The following NPIPA1 variants were observed in gnomAD, a reference collection of about 807,000 sequenced individuals.
NPIPA1 encodes the protein nuclear pore complex-interacting protein family member A1.
For missense variants in NPIPA1, 22 were observed against 232.2 expected (o/e 0.09, Z 5.88); for synonymous variants, 7 against 88.0 (o/e 0.08, Z 5.15).
chr16:14,941,505 T>C (rs1248229134), intron 1 of NPIPA1: 7 of 184,684 alleles, frequency 3.8e-5, no homozygotes, highest in Admixed American at 1.2e-4. Flanking sequence ...GTGTATGTTA[T>C]GTGTGGCTCA....
chr16:14,945,227 G>GTTTTGTGTGT (rs748459839), intron 2 of NPIPA1, among the ~76,000 whole-genome samples: 7 of 137,742 alleles, frequency 5.1e-5, no homozygotes, highest in Admixed American at 7.3e-5. Context: ...ATTCTTGTGT[G>GTTTTGTGTGT]GTGTGTGTGT....
At chr16:14,949,395 C>T in intron 5 of NPIPA1, 1 of 313,070 alleles carries the variant, frequency 3.2e-6, no homozygotes, top group South Asian at 2.3e-5. Flanking sequence ...ATAAGCCCAG[C>T]TGTTTCTGCC....
At chr16:14,943,769 C>G (rs1179254694) in intron 2 of NPIPA1, among the ~76,000 whole-genome samples, 1 of 152,104 alleles carries the variant, frequency 6.6e-6, no homozygotes, top group Non-Finnish European at 1.5e-5. Flanking sequence ...TTACCCATTG[C>G]TTCTCTTGAA....
intron 1 of NPIPA1, among the ~76,000 whole-genome samples, chr16:14,939,897 AT>A (rs1368339707): frequency 3.4e-5 from 1 of 29,080 alleles, no homozygotes. Context: ...CACCTTGGTA[AT>A]TTTTTTTTTT....
intron 1 of NPIPA1, among the ~76,000 whole-genome samples, chr16:14,937,833 C>G (rs1343992376): frequency 1.4e-5 from 2 of 141,564 alleles, no homozygotes; most frequent in Non-Finnish European, 1.5e-5. Context: ...GGGCCCAGAC[C>G]GAAGAAGGTT....
In NPIPA1 at chr16:14,941,092, C is replaced by G. The variant is rs1965740126; in HGVS notation, c.64-720C>G. 5.3e-5 allele frequency among the ~76,000 whole-genome samples: 8 copies of G among 151,294 alleles called. 1 individual carries two copies. In the Admixed American group the frequency reaches 5.3e-4, roughly 10 times the overall value. ...GCAGTGAGCCGAGAGCACACCACTG[C>G]ACTCCAGCCTGGGTGACAGAGTGAG... is the stretch of plus-strand genomic sequence containing the variant. On this transcript the variant is annotated intron_variant, in intron 1 of 7. Transcript: ENST00000328085.
intron 1 of NPIPA1, among the ~76,000 whole-genome samples, chr16:14,938,535 A>ATCTTTTTTGG: frequency 7.0e-6 from 1 of 141,864 alleles, no homozygotes. Flanking sequence ...CCATCTCTAC[A>ATCTTTTTTGG]AAAAATTCCA....
intron 1 of NPIPA1, among the ~76,000 whole-genome samples, chr16:14,941,272 TAAAAATAC>T (rs1965746619): frequency 7.4e-6 from 1 of 135,946 alleles, no homozygotes; most frequent in South Asian, 2.5e-4. Context: ...TCATCTCTAC[TAAAAATAC>T]AAAAATTAGT....
intron 2 of NPIPA1, among the ~76,000 whole-genome samples, chr16:14,945,227 G>GGTGTGTGT (rs1555533565): frequency 3.0e-4 from 41 of 137,796 alleles, no homozygotes; most frequent in East Asian, 1.7e-3. Context: ...ATTCTTGTGT[G>GGTGTGTGT]GTGTGTGTGT....
intron 5 of NPIPA1, chr16:14,949,605 T>G (rs1365774438): frequency 1.5e-6 from 1 of 684,018 alleles, no homozygotes; most frequent in Non-Finnish European, 2.3e-6. Flanking sequence ...TGTTTTTGTT[T>G]TTGTTTTTCT....
At position 14,946,781 on chromosome 16, in the gene NPIPA1, G is replaced by A. The variant is rs1266454712; in HGVS notation, c.437+800G>A. ...ATGATCTTGGCTCACTGCAACCTCC[G>A]CCTCCCAGGTTCAAACGATTCTTAT... is the stretch of plus-strand genomic sequence containing the variant. On this transcript the variant is annotated intron_variant, in intron 4 of 7. Coordinates refer to ENST00000328085, the MANE Select transcript of NPIPA1 (RefSeq NM_006985.4). 3.4e-5 allele frequency among the ~76,000 whole-genome samples: 5 copies of A among 145,754 alleles called. No homozygotes were observed. The East Asian group carries it at 1.1e-3, about 33-fold the overall frequency.
intron 2 of NPIPA1, among the ~76,000 whole-genome samples, chr16:14,944,956 T>A (rs1174724345): frequency 2.9e-3 from 429 of 148,420 alleles, no homozygotes; most frequent in African/African-American, 0.01. Flanking sequence ...TTGTTGCCCA[T>A]GTTGGAGTGC....
At chr16:14,938,606 G>A (rs1965681056) in intron 1 of NPIPA1, among the ~76,000 whole-genome samples, 1 of 126,506 alleles carries the variant, frequency 7.9e-6, no homozygotes, top group Non-Finnish European at 1.6e-5. Context: ...AGAGGCTGAG[G>A]TGGGAGGATC....
rs551699140 is a variant in NPIPA1 at position 14,951,790 on chromosome 16, C to T, written c.818C>T (p.Pro273Leu). 1 of 1,554,220 alleles carries T rather than the reference C, an allele frequency of 6.4e-7. No individual in the cohort carries two copies. Among genetic ancestry groups the T allele is most frequent in the African/African-American group, 1.4e-5 (1 of 71,818 alleles). ...ACACCTTCCGAGTGTCTGCTCACTC[C>T]CCTTCCACCCTCAGCTCTACCCTCA... is the stretch of plus-strand genomic sequence containing the variant. ...LKTPSECLLTPLPPSALPSAD... is the reference protein window; with the variant it reads ...LKTPSECLLTLLPPSALPSAD... The change falls in exon 8 of 8, where the codon CCC (proline) becomes CTC (leucine). Residue 273 changes from proline (P) to leucine (L), a missense_variant. Coordinates refer to ENST00000328085, the MANE Select transcript of NPIPA1 (RefSeq NM_006985.4).
chr16:14,943,046 A>G (rs1329947147), intron 2 of NPIPA1, among the ~76,000 whole-genome samples: 4 of 152,272 alleles, frequency 2.6e-5, no homozygotes, highest in African/African-American at 9.6e-5. Context: ...TATGTGGAAA[A>G]CAGAAAATAT....
intron 1 of NPIPA1, among the ~76,000 whole-genome samples, chr16:14,941,102 T>A (rs1965740595): frequency 1.3e-5 from 2 of 151,464 alleles, no homozygotes; most frequent in South Asian, 4.2e-4. Context: ...CACTCCAGCC[T>A]GGGTGACAGA....
At chr16:14,942,775 C>T (rs1387931003) in intron 2 of NPIPA1, among the ~76,000 whole-genome samples, 5 of 152,246 alleles carry the variant, frequency 3.3e-5, no homozygotes, top group Non-Finnish European at 4.4e-5. Context: ...AAAGTCTGTA[C>T]TTGGTAAGAA....
intron 2 of NPIPA1, among the ~76,000 whole-genome samples, chr16:14,944,733 G>A (rs1269507497): frequency 6.7e-6 from 1 of 150,364 alleles, no homozygotes; most frequent in Non-Finnish European, 1.5e-5. Context: ...AGCCTCCGGA[G>A]TAGCTGGGAC....
At chr16:14,940,244 G>T (rs1355038679) in intron 1 of NPIPA1, among the ~76,000 whole-genome samples, 5 of 85,484 alleles carry the variant, frequency 5.8e-5, no homozygotes, top group Admixed American at 2.9e-4. Context: ...TGTGAATGAA[G>T]TAATCTCTTC....
Sources: allele counts gnomAD v4.1 joint callset (sites outside exome capture counted in the v4.1 genomes callset), GRCh38; gene constraint gnomAD v4.1.1; transcripts MANE v1.5; gene names NCBI Gene and HGNC (gene_info 2026-07-23, HGNC 2026-07-21).